DMXL1: variants seen among roughly 807,000 people sequenced by gnomAD.
The protein encoded by DMXL1 is dmX-like protein 1.
In DMXL1, 99 loss-of-function variants were observed where a neutral mutation model predicts 319.2. That is an observed-to-expected ratio of 0.31 (90% CI 0.26 to 0.37). The LOEUF (loss-of-function observed/expected upper bound fraction) is 0.37. Among genes scored for constraint, DMXL1 ranks in the 10% least tolerant of loss-of-function variants. The probability of loss-of-function intolerance (pLI) is 1.00; values close to 1 mark genes in which losing one functional copy is unlikely to be tolerated. For missense variants in DMXL1, 3,745 were observed against 3,595.6 expected, an observed-to-expected ratio of 1.04 and a Z score of -1.06; for synonymous variants, 1,385 against 1,235.2, an observed-to-expected ratio of 1.12 and a Z score of -2.54.
intron 20 of DMXL1, among the ~76,000 whole-genome samples, chr5:119,164,976 A>G (rs113943177): frequency 0.028 from 4,219 of 152,178 alleles, 181 homozygotes; most frequent in African/African-American, 0.096. Context: ...ATGAAAGGCA[A>G]TAGTCCTATT....
intron 9 of DMXL1, among the ~76,000 whole-genome samples, chr5:119,128,919 C>T (rs1036127709): frequency 4.6e-5 from 7 of 152,012 alleles, no homozygotes; most frequent in African/African-American, 1.7e-4. Flanking sequence ...CAAAAATTAG[C>T]TGGGCGTGGT....
rs905538521 is a variant in DMXL1, at chr5:119,101,305, G to GT, written c.214-621dup. Among the ~76,000 whole-genome samples, 643 of 149,114 alleles carry GT rather than the reference G, an allele frequency of 4.3e-3. 6 individuals carry two copies. Among genetic ancestry groups the GT allele is most frequent in the African/African-American group, 0.015 (573 of 39,504 alleles). On this transcript the variant is annotated intron_variant, in intron 2 of 43. Transcript: ENST00000539542. The stretch of plus-strand genomic sequence containing the variant: ...TTACCTTCTCTTTACTACATCATAT[G>GT]TTTTTTTTTCTATCCCTGATTCATT...
Position 119,210,757 on chromosome 5 carries a change from G to GTTT in DMXL1, c.7926+3878_7926+3880dup. Among the ~76,000 whole-genome samples, 754 of 89,768 alleles carry GTTT rather than the reference G, an allele frequency of 8.4e-3. 49 individuals are homozygous for GTTT. Among genetic ancestry groups the GTTT allele is most frequent in the South Asian group, 0.023 (52 of 2,284 alleles). The allele number at this position is 89,768 out of a possible 152,430, so 58.9% of individuals were successfully genotyped here. The stretch of plus-strand genomic sequence containing the variant: ...TAAGTTCTTTTTTCTTTTTTCTTTC[G>GTTT]TTTTTTTTTTTTTTTTTTTGCCTTA... On this transcript the variant is annotated intron_variant, in intron 34 of 43. Coordinates refer to ENST00000539542, the MANE Select transcript of DMXL1 (RefSeq NM_001290321.3).
chr5:119,240,342 T>A, intron 41 of DMXL1, 77 bp from the exon 42 acceptor site: 1 of 1,030,152 alleles, frequency 9.7e-7, no homozygotes, highest in Non-Finnish European at 1.4e-6. Context: ...GGTTTAAAGG[T>A]CACACAGTTA....
chr5:119,198,084 G>A (rs1202102498), intron 32 of DMXL1, 128 bp downstream of exon 32: 1 of 826,410 alleles, frequency 1.2e-6, no homozygotes, highest in South Asian at 1.6e-5. Context: ...TGCCTCCTGG[G>A]TTCAAGTGAT....
At position 119,171,916 on chromosome 5, in the gene DMXL1, C is replaced by A. The variant is rs368525073; in HGVS notation, c.6628C>A (p.His2210Asn). 1 of 1,613,778 alleles carries A rather than the reference C, an allele frequency of 6.2e-7. No homozygotes were observed. The highest frequency in any genetic ancestry group is 8.5e-7 in the Non-Finnish European group (1 of 1,179,822). Residue 2210 changes from histidine (H) to asparagine (N), a missense_variant, in exon 25 of 44, where the codon CAT (histidine) becomes AAT (asparagine). Transcript: ENST00000539542. The part of the protein sequence containing the change: ...HLSNLTHDIL[H>N]AIINFDSPPH... ...TAGTAATCTGACACATGATATTCTC[C>A]ATGCCATAATAAACTTTGATTCACC...
chr5:119,177,554 T>G, intron 27 of DMXL1, 70 bp downstream of exon 27: 1 of 1,332,796 alleles, frequency 7.5e-7, no homozygotes, highest in Non-Finnish European at 1.0e-6. Context: ...AGAAAGACTT[T>G]TAGTTTTGCC....
intron 34 of DMXL1, among the ~76,000 whole-genome samples, chr5:119,212,986 T>G (rs975983242): frequency 6.6e-6 from 1 of 152,120 alleles, no homozygotes; most frequent in Non-Finnish European, 1.5e-5. Context: ...AACCCAACTT[T>G]TTGTCCTATT....
intron 5 of DMXL1, among the ~76,000 whole-genome samples, chr5:119,113,469 C>T (rs1468428923): frequency 6.6e-6 from 1 of 152,190 alleles, no homozygotes; most frequent in Non-Finnish European, 1.5e-5. Flanking sequence ...TCTCGAACTC[C>T]TGACCTTGTG....
chr5:119,094,143 GCCTT>G (rs2149760627), intron 1 of DMXL1, among the ~76,000 whole-genome samples: 1 of 152,348 alleles, frequency 6.6e-6, no homozygotes, highest in East Asian at 1.9e-4. Context: ...AGATGAAACA[GCCTT>G]CTGTTGGAAG....
chr5:119,211,567 A>G (rs932266805), intron 34 of DMXL1, among the ~76,000 whole-genome samples: 1 of 152,214 alleles, frequency 6.6e-6, no homozygotes, highest in Non-Finnish European at 1.5e-5. Context: ...TTCTTCTGCT[A>G]TGACTTTGAA....
At chr5:119,097,240 A>G (rs1756172514) in intron 1 of DMXL1, among the ~76,000 whole-genome samples, 1 of 152,228 alleles carries the variant, frequency 6.6e-6, no homozygotes, top group South Asian at 2.1e-4. Context: ...TTTTATTCCA[A>G]GTGCAGTGGA....
chr5:119,171,735 C>T, intron 24 of DMXL1, 43 bp from the exon 25 acceptor site: 6 of 1,496,234 alleles, frequency 4.0e-6, no homozygotes, highest in Non-Finnish European at 5.4e-6. Flanking sequence ...TGGTTTGTAA[C>T]TGTAAATAGT....
At position 119,244,480 on chromosome 5, in the gene DMXL1, G is replaced by A. The variant is rs946202280; in HGVS notation, c.8826G>A (p.Arg2942=). The change falls in exon 43 of 44, where the codon AGG becomes AGA. Residue 2942 remains arginine (R), a synonymous_variant. Transcript: ENST00000539542. ...YVFDLCQRQQ[R]QLFQSHDSPV... is the part of the protein sequence containing the mutation. Reference sequence around the variant, plus strand: ...TTGACCTTTGTCAACGACAACAGAGGCAGCTTTTCCAGAGCCATGATTCTC... The same window carrying A: ...TTGACCTTTGTCAACGACAACAGAGACAGCTTTTCCAGAGCCATGATTCTC... The A allele has an allele frequency of 1.2e-6, 2 of 1,614,118 alleles. No individual in the cohort carries two copies. Among genetic ancestry groups the A allele is most frequent in the Non-Finnish European group, 1.7e-6 (2 of 1,180,024 alleles).
intron 19 of DMXL1, among the ~76,000 whole-genome samples, chr5:119,159,669 G>A (rs1264089672): frequency 1.3e-5 from 2 of 152,182 alleles, no homozygotes; most frequent in African/African-American, 4.8e-5. Flanking sequence ...CTGTCGCCCA[G>A]GCTGGAGTGC....
Position 119,171,829 on chromosome 5 carries a change from C to T in DMXL1, c.6541C>T (p.Pro2181Ser), listed in dbSNP as rs530433207. Residue 2181 changes from proline (P) to serine (S), a missense_variant, in exon 25 of 44, where the codon CCT (proline) becomes TCT (serine). Physicochemically the swap from Pro to Ser is moderately conservative, Grantham distance 74 (BLOSUM62 -1). Coordinates refer to ENST00000539542, the MANE Select transcript of DMXL1 (RefSeq NM_001290321.3). ...CCCTCTGTCAGAGCAAACCTCAGTGCCTCTCCTCTTTGCTTGTACAGCCAA... is the reference window on the plus strand; with the variant it reads ...CCCTCTGTCAGAGCAAACCTCAGTGTCTCTCCTCTTTGCTTGTACAGCCAA... ...SSPLSEQTSVPLLFACTANAK... is the reference protein window; with the variant it reads ...SSPLSEQTSVSLLFACTANAK... The T allele has an allele frequency of 9.9e-6, 16 of 1,613,798 alleles. No homozygotes were observed. Among genetic ancestry groups the T allele is most frequent in the Non-Finnish European group, 1.3e-5 (15 of 1,179,828 alleles).
intron 20 of DMXL1, 126 bp downstream of exon 20, chr5:119,164,802 C>T: frequency 1.4e-6 from 1 of 726,618 alleles, no homozygotes; most frequent in African/African-American, 1.8e-5. Context: ...TTTGAATAGT[C>T]TTTACATTTC....
At chr5:119,135,952 T>G (rs555395281) in intron 13 of DMXL1, among the ~76,000 whole-genome samples, 6 of 152,186 alleles carry the variant, frequency 3.9e-5, no homozygotes, top group Non-Finnish European at 8.8e-5. Context: ...TGGAACTGGG[T>G]AACAGGCAGA....
At position 119,170,541 on chromosome 5, in the gene DMXL1, A is replaced by T. The variant is rs763157221; in HGVS notation, c.5750A>T (p.Asp1917Val). The stretch of plus-strand genomic sequence containing the variant: ...CCATTAAAGTTGGATGCAAGGGAAG[A>T]TAAGTCTTCTGCTGTTGATTGGTCA... ...SSPLKLDARE[D>V]KSSAVDWSQS... Residue 1917 changes from aspartate (D) to valine (V), a missense_variant, in exon 24 of 44, where the codon GAT (aspartate) becomes GTT (valine). Asp to Val is a radical substitution (Grantham distance 152). Around this residue, in one of 4 missense-constraint regions of DMXL1, gnomAD observed 1,382 missense variants for 1,269.5 expected, o/e 1.09. Transcript: ENST00000539542. 1.2e-6 allele frequency: 2 copies of T among 1,613,872 alleles called. No homozygotes were observed.
Sources: gnomAD v4.1 joint callset for allele counts (sites outside exome capture counted in the v4.1 genomes callset) on GRCh38, gnomAD v4.1.1 for gene constraint, gnomAD v4.1.1 regional missense constraint, MANE v1.5 for transcripts, NCBI Gene and HGNC (gene_info 2026-07-23, HGNC 2026-07-21) for gene names.